NAV2: variants seen among roughly 807,000 people sequenced by gnomAD.
NAV2 encodes neuron navigator 2.
Under a neutral mutation model 223.2 loss-of-function variants are expected in NAV2, and 54 were observed. The ratio of observed to expected loss-of-function variants is 0.24; its 90% CI spans 0.19 to 0.30. NAV2 has a LOEUF of 0.30. Ranked by LOEUF, NAV2 falls within the 10% of genes least tolerant of loss-of-function variation. The probability of loss-of-function intolerance (pLI) is 1.00; values close to 1 mark genes in which losing one functional copy is unlikely to be tolerated. For synonymous variants in NAV2, 1,279 were observed against 1,239.3 expected, an observed-to-expected ratio of 1.03 and a Z score of -0.67; for missense variants, 2,806 against 3,147.5, an observed-to-expected ratio of 0.89 and a Z score of 2.60.
intron 1 of NAV2, among the ~76,000 whole-genome samples, chr11:19,449,807 A>G (rs1025092595): frequency 3.3e-5 from 5 of 152,074 alleles, no homozygotes. Flanking sequence ...AAAAACAACA[A>G]CTGTGGACTC....
At chr11:19,442,024 C>T (rs1851422142) in intron 1 of NAV2, among the ~76,000 whole-genome samples, 1 of 152,266 alleles carries the variant, frequency 6.6e-6, no homozygotes, top group South Asian at 2.1e-4. Flanking sequence ...CTCAATCCTC[C>T]TCCTAATGGC....
At chr11:19,619,924 A>C (rs897734309) in intron 1 of NAV2, among the ~76,000 whole-genome samples, 2 of 152,150 alleles carry the variant, frequency 1.3e-5, no homozygotes, top group Non-Finnish European at 2.9e-5. Context: ...ATCCATCTTA[A>C]ATTAATTTTT....
At chr11:19,657,166 G>A (rs1180029815) in intron 1 of NAV2, among the ~76,000 whole-genome samples, 1 of 152,120 alleles carries the variant, frequency 6.6e-6, no homozygotes, top group African/African-American at 2.4e-5. Flanking sequence ...AGAAAGTATG[G>A]ATAGAGATGA....
rs1394336057 is a variant in NAV2 at position 19,566,052 on chromosome 11, ATT to A, written c.75+215028_75+215029del. 3.9e-5 allele frequency among the ~76,000 whole-genome samples: 5 copies of A among 126,710 alleles called. No individual in the cohort carries two copies. In the East Asian group the frequency reaches 1.0e-3, roughly 26 times the overall value. The allele number at this position is 126,710 out of a possible 152,430, so 83.1% of individuals were successfully genotyped here. A position where few individuals can be genotyped will look rare whatever the true frequency, so the allele number is the denominator to read the frequency against. ...AGGAGATTTTATTTTATTTTATTTT[ATT>A]TTATTTTATTTTATTTTATTTTATT... On this transcript the variant is annotated intron_variant, in intron 1 of 37. Coordinates refer to the NAV2 transcript ENST00000360655.
intron 1 of NAV2, among the ~76,000 whole-genome samples, chr11:19,758,461 A>G (rs962636595): frequency 6.6e-6 from 1 of 152,188 alleles, no homozygotes; most frequent in Admixed American, 6.5e-5. Context: ...GTGGTGGACC[A>G]GAGGAGCAGG....
At chr11:19,991,716 G>A (rs1350423129) in intron 11 of NAV2, among the ~76,000 whole-genome samples, 1 of 152,160 alleles carries the variant, frequency 6.6e-6, no homozygotes, top group East Asian at 1.9e-4. Context: ...CCACATGGTT[G>A]CATTTTTTAG....
At chr11:20,086,869 G>C (rs564652991) in intron 26 of NAV2, among the ~76,000 whole-genome samples, 7 of 152,078 alleles carry the variant, frequency 4.6e-5, no homozygotes, top group Non-Finnish European at 7.4e-5. Flanking sequence ...GCACTACTTT[G>C]GTTCCATTAA....
intron 6 of NAV2, among the ~76,000 whole-genome samples, chr11:19,919,578 C>T (rs2044099017): frequency 6.6e-6 from 1 of 152,190 alleles, no homozygotes; most frequent in African/African-American, 2.4e-5. Flanking sequence ...GAAACTATGG[C>T]ACTGGAAGGA....
At chr11:19,924,114 T>A (rs1015772941) in intron 6 of NAV2, among the ~76,000 whole-genome samples, 3 of 152,256 alleles carry the variant, frequency 2.0e-5, no homozygotes, top group African/African-American at 7.2e-5. Context: ...GAATTTATTC[T>A]CTTTTTAAGG....
intron 19 of NAV2, among the ~76,000 whole-genome samples, chr11:20,057,461 C>G (rs540703061): frequency 1.0e-3 from 152 of 152,192 alleles, no homozygotes; most frequent in African/African-American, 3.5e-3. Flanking sequence ...AGGGGAGAAG[C>G]CTGAGTCACT....
intron 1 of NAV2, among the ~76,000 whole-genome samples, chr11:19,644,043 C>A (rs1167592549): frequency 6.7e-6 from 1 of 150,068 alleles, no homozygotes; most frequent in African/African-American, 2.5e-5. Flanking sequence ...GCGTATGTGT[C>A]TGTGTATGTG....
intron 11 of NAV2, among the ~76,000 whole-genome samples, chr11:20,026,467 T>A (rs549175128): frequency 6.6e-6 from 1 of 151,968 alleles, no homozygotes; most frequent in Non-Finnish European, 1.5e-5. Context: ...CCTGCCACCA[T>A]ACCTGGCTAA....
exon 1 of NAV2, chr11:19,350,732 T>G (rs1853259655): frequency 3.5e-6 from 2 of 563,782 alleles, no homozygotes; most frequent in South Asian, 2.0e-5. Flanking sequence ...GCTCTCATGA[T>G]GCCGGCAGCA....
chr11:19,637,027 C>G (rs765506887), intron 1 of NAV2, among the ~76,000 whole-genome samples: 1 of 152,162 alleles, frequency 6.6e-6, no homozygotes, highest in African/African-American at 2.4e-5. Context: ...ATAAAGCAAC[C>G]AGTAAAATAC....
intron 1 of NAV2, among the ~76,000 whole-genome samples, chr11:19,593,377 A>G (rs1263368438): frequency 1.4e-5 from 2 of 139,076 alleles, no homozygotes; most frequent in African/African-American, 6.7e-5. Flanking sequence ...TATGCCACCA[A>G]TATACCACTG....
intron 16 of NAV2, 106 bp from the exon 17 acceptor site, chr11:20,051,183 G>T (rs1216306149): frequency 5.7e-6 from 5 of 882,028 alleles, no homozygotes; most frequent in Non-Finnish European, 9.6e-6. Context: ...TCCTGGTGAT[G>T]TGCACCTCTT....
At position 20,048,931 on chromosome 11, in the gene NAV2, C is replaced by T; in HGVS notation, c.4106C>T (p.Ser1369Phe). Residue 1369 changes from serine to phenylalanine, a missense_variant, in exon 15 of 38, where the codon TCC becomes TTC. Around this residue, in one of 4 missense-constraint regions of NAV2, gnomAD observed 742 missense variants for 777.9 expected, o/e 0.95. Transcript: ENST00000349880. Reference protein sequence around the residue: ...NVDLNQSPLASSPSSAHSAPS... With the variant: ...NVDLNQSPLAFSPSSAHSAPS... ...GACCTCAACCAGTCTCCGCTAGCCT[C>T]CAGCCCCAGCTCAGCCCACTCGGCC... 6.2e-7 allele frequency: 1 copy of T among 1,614,200 alleles called. No homozygotes were observed. Among genetic ancestry groups the T allele is most frequent in the Admixed American group, 1.7e-5 (1 of 60,024 alleles).
intron 1 of NAV2, among the ~76,000 whole-genome samples, chr11:19,378,386 C>T (rs769222078): frequency 6.6e-5 from 10 of 152,274 alleles, no homozygotes; most frequent in Middle Eastern, 3.4e-3. Flanking sequence ...GCCCCTGGCT[C>T]GGTGGGGCCT....
intron 1 of NAV2, among the ~76,000 whole-genome samples, chr11:19,539,390 C>T (rs7107511): frequency 0.19 from 28,517 of 152,154 alleles, 5,258 homozygotes; most frequent in African/African-American, 0.48. Flanking sequence ...CCATCCCAAA[C>T]CTTGTGGTGT....
Sources: gnomAD v4.1 joint callset for allele counts (sites outside exome capture counted in the v4.1 genomes callset) on GRCh38, gnomAD v4.1.1 for gene constraint, gnomAD v4.1.1 regional missense constraint, MANE v1.5 for transcripts, NCBI Gene and HGNC (gene_info 2026-07-23, HGNC 2026-07-21) for gene names.